The following KIF24 variants were observed in gnomAD, a reference collection of about 807,000 sequenced individuals.
KIF24 encodes kinesin-like protein KIF24.
A neutral mutation model predicts 118.9 loss-of-function variants in KIF24; 81 were observed. That is an observed-to-expected ratio of 0.68 (90% CI 0.57 to 0.82). KIF24 has a LOEUF of 0.82. Ranked by LOEUF, KIF24 falls within the 40% of genes least tolerant of loss-of-function variation. The pLI, the probability that KIF24 is intolerant of heterozygous loss-of-function variation, is 0.00. For missense variants in KIF24, 1,560 were observed against 1,661.6 expected, an observed-to-expected ratio of 0.94 and a Z score of 1.06; for synonymous variants, 599 against 610.0, an observed-to-expected ratio of 0.98 and a Z score of 0.27.
chr9:34,318,560 A>G lies in KIF24; in HGVS notation c.-25-7189T>C. 5 of 1,187,420 alleles carry G rather than the reference A, an allele frequency of 4.2e-6. No individual in the cohort carries two copies. The highest frequency in any genetic ancestry group is 4.9e-6 in the Non-Finnish European group (4 of 811,578). The allele number at this position is 1,187,420 out of a possible 1,614,324, so 73.6% of individuals were successfully genotyped here. Reference sequence around the variant, plus strand: ...CGAACACAGCGCCGGCCTGGCCTTCAGCCTGTACCAGGCCATGGCCAAGGA... The same window carrying G: ...CGAACACAGCGCCGGCCTGGCCTTCGGCCTGTACCAGGCCATGGCCAAGGA... On this transcript the variant is annotated intron_variant, in intron 1 of 12. Transcript: ENST00000402558. This position sits in a 1 kb window ranked among gnomAD's most constrained non-coding sequence, Gnocchi z 4.9.
At chr9:34,312,122 A>G (rs1837190479) in intron 1 of KIF24, among the ~76,000 whole-genome samples, 2 of 152,206 alleles carry the variant, frequency 1.3e-5, no homozygotes, top group Admixed American at 6.5e-5. Context: ...AGTACTGGCA[A>G]AAGTTAGTTA....
intron 1 of KIF24, among the ~76,000 whole-genome samples, chr9:34,316,085 C>A (rs1837318966): frequency 6.6e-6 from 1 of 151,872 alleles, no homozygotes; most frequent in Non-Finnish European, 1.5e-5. Context: ...GGCGTGGGGG[C>A]TCATGCCTAT....
At chr9:34,303,989 G>C (rs770623212) in intron 3 of KIF24, among the ~76,000 whole-genome samples, 2 of 152,098 alleles carry the variant, frequency 1.3e-5, no homozygotes, top group Non-Finnish European at 2.9e-5. Context: ...AAACTAGAAT[G>C]AAACAATATG....
In KIF24 at chr9:34,290,408, G is replaced by A; in HGVS notation, c.912-19C>T. ...ATTGCCTCTGGGGAAAGGATAATTT[G>A]CATTACTTATGCATATTAAGAGAAG... On this transcript the variant is annotated intron_variant, in intron 4 of 12. Coordinates refer to ENST00000402558, the MANE Select transcript of KIF24 (RefSeq NM_194313.4). 2 of 1,511,458 alleles carry A rather than the reference G, an allele frequency of 1.3e-6. No homozygotes were observed. Among genetic ancestry groups the A allele is most frequent in the Non-Finnish European group, 1.8e-6 (2 of 1,091,128 alleles). The allele number at this position is 1,511,458 out of a possible 1,614,324, so 93.6% of individuals were successfully genotyped here.
intron 1 of KIF24, chr9:34,319,270 C>T: frequency 8.6e-7 from 1 of 1,156,886 alleles, no homozygotes; most frequent in South Asian, 1.2e-5. Flanking sequence ...CAAAGAGCAG[C>T]TGAAGATCTG....
In KIF24 at chr9:34,276,130, C is replaced by T. The variant is rs114236410; in HGVS notation, c.1216-4200G>A. Among the ~76,000 whole-genome samples the T allele has an allele frequency of 3.8e-3, 585 of 152,066 alleles. 3 individuals carry two copies. The highest frequency in any genetic ancestry group is 0.013 in the African/African-American group (550 of 41,492). On this transcript the variant is annotated intron_variant, in intron 6 of 12. Transcript: ENST00000402558. ...GAATTAAGAATAATGAGGCTGGGCA[C>T]GGTGGCTCACGCCTATAATCCGAGC...
intron 8 of KIF24, among the ~76,000 whole-genome samples, chr9:34,268,436 G>A (rs1245845122): frequency 3.3e-5 from 5 of 151,912 alleles, no homozygotes; most frequent in Non-Finnish European, 7.4e-5. Context: ...GATTACAGGC[G>A]TGAGCCACTG....
Position 34,309,413 on chromosome 9 carries a change from C to T in KIF24, c.623+1311G>A, listed in dbSNP as rs532654059. Among the ~76,000 whole-genome samples the T allele has an allele frequency of 2.7e-3, 402 of 151,248 alleles. 5 individuals carry two copies. The South Asian group carries it at 0.027, about 10-fold the overall frequency. ...AAAATTAGCCAGGCATAGTGGCGGG[C>T]GCCTGTAGTCCCAGCTACTCGGAAG... On this transcript the variant is annotated intron_variant, in intron 2 of 12. Coordinates refer to ENST00000402558, the MANE Select transcript of KIF24 (RefSeq NM_194313.4).
At chr9:34,279,495 A>T (rs1835769147) in intron 6 of KIF24, among the ~76,000 whole-genome samples, 1 of 152,270 alleles carries the variant, frequency 6.6e-6, no homozygotes, top group Non-Finnish European at 1.5e-5. Flanking sequence ...TCTCGATTCC[A>T]AATCTGGGAA....
chr9:34,294,512 C>A (rs1174609610), intron 4 of KIF24, among the ~76,000 whole-genome samples: 1 of 151,424 alleles, frequency 6.6e-6, no homozygotes, highest in Non-Finnish European at 1.5e-5. Flanking sequence ...CGCACCATTG[C>A]ACTCCAGCCT....
At chr9:34,319,299 G>A (rs1454048278) in intron 1 of KIF24, 4 of 1,002,220 alleles carry the variant, frequency 4.0e-6, no homozygotes, top group Non-Finnish European at 6.4e-6. Flanking sequence ...AGAAGCAGAA[G>A]CCTGTCGCCA....
At chr9:34,312,516 C>G (rs997867917) in intron 1 of KIF24, among the ~76,000 whole-genome samples, 2 of 152,136 alleles carry the variant, frequency 1.3e-5, no homozygotes, top group Non-Finnish European at 1.5e-5. Flanking sequence ...GTACAACTTT[C>G]CTGTTTTCGT....
intron 6 of KIF24, among the ~76,000 whole-genome samples, chr9:34,280,051 G>T (rs902544625): frequency 6.6e-6 from 1 of 151,636 alleles, no homozygotes; most frequent in Non-Finnish European, 1.5e-5. Context: ...TTGGGAGGCC[G>T]AGGCAGGCGG....
chr9:34,298,906 G>GA (rs1377449387), intron 3 of KIF24, among the ~76,000 whole-genome samples: 2 of 151,904 alleles, frequency 1.3e-5, no homozygotes, highest in Admixed American at 6.6e-5. Flanking sequence ...ACTTCCAAAT[G>GA]AAAAATCACA....
intron 4 of KIF24, among the ~76,000 whole-genome samples, chr9:34,295,387 A>T (rs28633072): frequency 0.023 from 3,451 of 152,026 alleles, 140 homozygotes; most frequent in African/African-American, 0.079. Context: ...AAAAAAAAAA[A>T]TTTTATAGAC....
Position 34,318,398 on chromosome 9 carries a change from C to A in KIF24, c.-25-7027G>T. The A allele has an allele frequency of 1.4e-6, 1 of 697,184 alleles. No individual in the cohort carries two copies. Among genetic ancestry groups the A allele is most frequent in the East Asian group, 2.6e-5 (1 of 37,758 alleles). 43.2% of individuals were successfully genotyped at this position (697,184 alleles called of 1,614,324 possible). A position where few individuals can be genotyped will look rare whatever the true frequency, so the allele number is the denominator to read the frequency against. ...CATCGTGGTGCACGCAAACCACCTC[C>A]CAGCCACGCGCTCCCTCCTGCTCCT... On this transcript the variant is annotated intron_variant, in intron 1 of 12. Transcript: ENST00000402558. This position sits in a 1 kb window ranked among gnomAD's most constrained non-coding sequence, Gnocchi z 4.9.
rs1835288261 is a variant in KIF24, at chr9:34,266,346, CACAGA to C, written c.1443+2906_1443+2910del. Among the ~76,000 whole-genome samples, 3 of 152,266 alleles carry C rather than the reference CACAGA, an allele frequency of 2.0e-5. No individual in the cohort carries two copies. In the South Asian group the frequency reaches 6.2e-4, roughly 32 times the overall value. On this transcript the variant is annotated intron_variant, in intron 8 of 12. Transcript: ENST00000402558. ...ACAGTAGTGATAAGCACCCCTAATA[CACAGA>C]CTGAAGTCTCTAAACACCATTTCCG...
At chr9:34,324,844 A>C (rs1010533290) in intron 1 of KIF24, among the ~76,000 whole-genome samples, 9 of 151,930 alleles carry the variant, frequency 5.9e-5, no homozygotes, top group Non-Finnish European at 1.0e-4. Flanking sequence ...ACTTCCCTTT[A>C]CCTGTCTACC....
intron 6 of KIF24, among the ~76,000 whole-genome samples, chr9:34,272,288 C>T (rs985217928): frequency 1.6e-4 from 24 of 152,154 alleles, no homozygotes; most frequent in Non-Finnish European, 3.2e-4. Flanking sequence ...TCTTAGTAAC[C>T]AAGGCAAAGG....
Sources: gnomAD v4.1 joint callset for allele counts (sites outside exome capture counted in the v4.1 genomes callset) on GRCh38, gnomAD v4.1.1 for gene constraint, Gnocchi (gnomAD v3.1) non-coding constraint, MANE v1.5 for transcripts, NCBI Gene and HGNC (gene_info 2026-07-23, HGNC 2026-07-21) for gene names.